The following ATRN variants were observed in gnomAD, a reference collection of about 807,000 sequenced individuals.
ATRN encodes the protein attractin, also known as attractin-2.
A neutral mutation model predicts 178.7 loss-of-function variants in ATRN; 54 were observed. The ratio of observed to expected loss-of-function variants is 0.30; its 90% CI spans 0.24 to 0.38. ATRN has a LOEUF of 0.38. ATRN is among the 10% of genes least tolerant of loss of function. The pLI, the probability that ATRN is intolerant of heterozygous loss-of-function variation, is 1.00. For missense variants in ATRN, 1,443 were observed against 1,815.1 expected, an observed-to-expected ratio of 0.79 and a Z score of 3.73; for synonymous variants, 636 against 663.0, an observed-to-expected ratio of 0.96 and a Z score of 0.63.
At chr20:3,634,690 T>C (rs905994502) in intron 26 of ATRN, among the ~76,000 whole-genome samples, 2 of 152,222 alleles carry the variant, frequency 1.3e-5, no homozygotes, top group African/African-American at 4.8e-5. Flanking sequence ...AAGTCCTGAC[T>C]GAGGCCAGAG....
intron 1 of ATRN, among the ~76,000 whole-genome samples, chr20:3,492,862 C>CGCGT (rs2084818492): frequency 8.1e-6 from 1 of 123,282 alleles, no homozygotes. Context: ...GAGGCGCGCG[C>CGCGT]GCGCGTGCGC....
chr20:3,627,372 C>T (rs1431551204), intron 25 of ATRN, among the ~76,000 whole-genome samples: 1 of 152,084 alleles, frequency 6.6e-6, no homozygotes, highest in African/African-American at 2.4e-5. Flanking sequence ...GCTTTAAAAG[C>T]ACATATTAGA....
intron 24 of ATRN, among the ~76,000 whole-genome samples, chr20:3,609,339 G>T (rs931018469): frequency 7.9e-5 from 12 of 152,010 alleles, no homozygotes; most frequent in Non-Finnish European, 1.6e-4. Context: ...TTGCTAGTTC[G>T]TTGCTCCTAT....
intron 1 of ATRN, among the ~76,000 whole-genome samples, chr20:3,501,320 GT>G (rs1170086036): frequency 6.6e-6 from 1 of 152,130 alleles, no homozygotes; most frequent in Non-Finnish European, 1.5e-5. Flanking sequence ...TGTATTTTCT[GT>G]TTTTCTCTGC....
At chr20:3,604,601 G>T (rs1361786345) in intron 24 of ATRN, among the ~76,000 whole-genome samples, 2 of 152,228 alleles carry the variant, frequency 1.3e-5, no homozygotes, top group Non-Finnish European at 2.9e-5. Context: ...GAGTAAGGTG[G>T]ATGTAAGTGA....
At chr20:3,603,614 T>G (rs1004724103) in intron 23 of ATRN, among the ~76,000 whole-genome samples, 3 of 151,978 alleles carry the variant, frequency 2.0e-5, no homozygotes, top group Non-Finnish European at 4.4e-5. Context: ...CTCAGCCTGC[T>G]GAGTAGCTGG....
intron 23 of ATRN, among the ~76,000 whole-genome samples, chr20:3,601,369 A>G (rs1395409764): frequency 1.3e-5 from 2 of 152,180 alleles, no homozygotes; most frequent in African/African-American, 4.8e-5. Context: ...TGGCACTACC[A>G]TCATTGTCTA....
chr20:3,583,277 T>C (rs1038976186), intron 16 of ATRN, among the ~76,000 whole-genome samples: 1 of 152,206 alleles, frequency 6.6e-6, no homozygotes, highest in African/African-American at 2.4e-5. Flanking sequence ...TTCAAGTGGA[T>C]TGTAAAACCC....
chr20:3,528,512 C>G (rs147617651), intron 1 of ATRN, among the ~76,000 whole-genome samples: 51 of 152,252 alleles, frequency 3.3e-4, no homozygotes, highest in African/African-American at 1.1e-3. Context: ...ATACCACATA[C>G]TCTCACTTAC....
intron 25 of ATRN, among the ~76,000 whole-genome samples, chr20:3,629,893 G>A (rs377312111): frequency 1.1e-4 from 17 of 152,176 alleles, no homozygotes; most frequent in African/African-American, 3.9e-4. Context: ...CTCCCTGCAC[G>A]TGGATATATT....
chr20:3,472,464 C>G (rs752481629), intron 1 of ATRN, among the ~76,000 whole-genome samples: 51 of 152,172 alleles, frequency 3.4e-4, no homozygotes, highest in Non-Finnish European at 5.9e-4. Context: ...GTGAACAAGA[C>G]AGACAGGGCC....
chr20:3,592,136 A>G (rs556337906), intron 19 of ATRN, among the ~76,000 whole-genome samples: 1 of 152,328 alleles, frequency 6.6e-6, no homozygotes, highest in South Asian at 2.1e-4. Flanking sequence ...GTAGTGGCTC[A>G]CGCCTGTAAT....
At chr20:3,542,439 G>A (rs1352909709) in intron 3 of ATRN, among the ~76,000 whole-genome samples, 1 of 151,508 alleles carries the variant, frequency 6.6e-6, no homozygotes, top group Non-Finnish European at 1.5e-5. Context: ...GAGTGGTTGA[G>A]AAAATTCTTC....
intron 1 of ATRN, among the ~76,000 whole-genome samples, chr20:3,529,321 C>T (rs2085417607): frequency 2.0e-5 from 3 of 152,254 alleles, no homozygotes; most frequent in Non-Finnish European, 4.4e-5. Context: ...CATATCTATA[C>T]TTTAATCCAG....
At chr20:3,531,864 A>G (rs2085458153) in intron 1 of ATRN, among the ~76,000 whole-genome samples, 1 of 152,238 alleles carries the variant, frequency 6.6e-6, no homozygotes. Context: ...CTGTAAAATT[A>G]TATAAATATG....
chr20:3,476,036 A>C (rs999933726), intron 1 of ATRN, among the ~76,000 whole-genome samples: 1 of 152,152 alleles, frequency 6.6e-6, no homozygotes, highest in Non-Finnish European at 1.5e-5. Flanking sequence ...TCCCAGCTAC[A>C]TGGGAGGCTG....
chr20:3,548,882 A>G (rs1301880324), intron 5 of ATRN, among the ~76,000 whole-genome samples: 1 of 152,188 alleles, frequency 6.6e-6, no homozygotes, highest in Non-Finnish European at 1.5e-5. Flanking sequence ...CATGTGAGTT[A>G]ATTATTTATT....
In ATRN at chr20:3,645,560, T is replaced by C. The variant is rs2087101311; in HGVS notation, c.4166-1163T>C. 1.3e-5 allele frequency among the ~76,000 whole-genome samples: 2 copies of C among 152,190 alleles called. No homozygotes were observed. Among genetic ancestry groups the C allele is most frequent in the African/African-American group, 4.8e-5 (2 of 41,444 alleles). ...GTGACAGGTGTGCAGCCCTGTAGCC[T>C]TTCCTGCTCCAGCCTTTGCCTGACA... is the stretch of plus-strand genomic sequence containing the variant. On this transcript the variant is annotated intron_variant, in intron 28 of 28. Coordinates refer to ENST00000262919, the MANE Select transcript of ATRN (RefSeq NM_139321.3). The surrounding 1 kb of genome is among the most constrained non-coding windows in gnomAD (Gnocchi z 4.7).
At chr20:3,598,307 T>G (rs1297446985) in intron 22 of ATRN, among the ~76,000 whole-genome samples, 1 of 152,204 alleles carries the variant, frequency 6.6e-6, no homozygotes, top group African/African-American at 2.4e-5. Context: ...AGAGGGCAGA[T>G]AGCAGAGCCT....
Sources: gnomAD v4.1 joint callset for allele counts (sites outside exome capture counted in the v4.1 genomes callset) on GRCh38, gnomAD v4.1.1 for gene constraint, Gnocchi (gnomAD v3.1) non-coding constraint, MANE v1.5 for transcripts, NCBI Gene and HGNC (gene_info 2026-07-23, HGNC 2026-07-21) for gene names.